The following ZNF804B variants were observed in gnomAD, a reference collection of about 807,000 sequenced individuals.
The protein encoded by ZNF804B is zinc finger protein 804B.
ZNF804B carries 80 observed loss-of-function variants against 101.4 expected under a neutral mutation model. That is an observed-to-expected ratio of 0.79 (90% CI 0.66 to 0.95). ZNF804B has a LOEUF of 0.95. Among genes scored for constraint, ZNF804B ranks in the 40% least tolerant of loss-of-function variants. The pLI, the probability that ZNF804B is intolerant of heterozygous loss-of-function variation, is 0.00. For missense variants in ZNF804B, 1,673 were observed against 1,561.9 expected, an observed-to-expected ratio of 1.07 and a Z score of -1.20; for synonymous variants, 622 against 558.8, an observed-to-expected ratio of 1.11 and a Z score of -1.59.
chr7:88,789,378 A>G (rs1408628425), intron 1 of ZNF804B, among the ~76,000 whole-genome samples: 1 of 152,152 alleles, frequency 6.6e-6, no homozygotes, highest in Non-Finnish European at 1.5e-5. Flanking sequence ...TAATAATCAC[A>G]AGACCCTAAA....
At chr7:88,880,939 A>G (rs1314433258) in intron 1 of ZNF804B, among the ~76,000 whole-genome samples, 2 of 152,192 alleles carry the variant, frequency 1.3e-5, no homozygotes, top group East Asian at 1.9e-4. Flanking sequence ...AGTGAGGTAG[A>G]TAATAGAAGC....
intron 1 of ZNF804B, among the ~76,000 whole-genome samples, chr7:88,810,701 G>C (rs577749917): frequency 6.6e-6 from 1 of 151,436 alleles, no homozygotes; most frequent in Non-Finnish European, 1.5e-5. Context: ...GTATTAAAGC[G>C]TAAACAATAA....
intron 2 of ZNF804B, among the ~76,000 whole-genome samples, chr7:89,263,355 C>CT (rs11415468): frequency 0.28 from 43,048 of 151,928 alleles, 6,308 homozygotes; most frequent in South Asian, 0.34. Context: ...TTTGATATGG[C>CT]TTTTTTCCGC....
At chr7:88,989,353 G>T (rs1363139229) in intron 1 of ZNF804B, among the ~76,000 whole-genome samples, 1 of 152,040 alleles carries the variant, frequency 6.6e-6, no homozygotes, top group Non-Finnish European at 1.5e-5. Context: ...GTTCATATTA[G>T]GAGAGACTAG....
At chr7:88,818,012 G>C (rs2115751884) in intron 1 of ZNF804B, among the ~76,000 whole-genome samples, 1 of 152,226 alleles carries the variant, frequency 6.6e-6, no homozygotes. Flanking sequence ...TAAAGTGCTT[G>C]GCATTGTGCT....
chr7:88,876,974 C>T (rs1451064904), intron 1 of ZNF804B, among the ~76,000 whole-genome samples: 7 of 105,910 alleles, frequency 6.6e-5, no homozygotes, highest in South Asian at 6.1e-4. Context: ...TGAGGTAGTA[C>T]AGGAAATTAT....
chr7:88,863,067 A>G (rs1202668079), intron 1 of ZNF804B, among the ~76,000 whole-genome samples: 2 of 152,064 alleles, frequency 1.3e-5, no homozygotes, highest in Non-Finnish European at 1.5e-5. Flanking sequence ...GGTCTAATCC[A>G]CGCCTCTCCT....
At chr7:89,113,184 T>G (rs1458348340) in intron 1 of ZNF804B, among the ~76,000 whole-genome samples, 1 of 152,222 alleles carries the variant, frequency 6.6e-6, no homozygotes, top group East Asian at 1.9e-4. Context: ...GAGGTTGTTT[T>G]GGAAGCCACA....
chr7:89,159,017 A>G (rs889166377), intron 1 of ZNF804B, among the ~76,000 whole-genome samples: 2 of 152,100 alleles, frequency 1.3e-5, no homozygotes, highest in African/African-American at 4.8e-5. Context: ...TGAATTTCAC[A>G]TGCCTAGATT....
chr7:89,021,721 G>A (rs879642897), intron 1 of ZNF804B, among the ~76,000 whole-genome samples: 6 of 152,152 alleles, frequency 3.9e-5, no homozygotes, highest in South Asian at 4.1e-4. Context: ...AGCCAGAGTT[G>A]CGACAACACA....
chr7:88,946,179 G>A (rs1003033470), intron 1 of ZNF804B, among the ~76,000 whole-genome samples: 10 of 151,962 alleles, frequency 6.6e-5, no homozygotes, highest in African/African-American at 2.4e-4. Flanking sequence ...GTTTTCAAAG[G>A]GAATGTCCAC....
At chr7:89,155,173 T>C (rs866274269) in intron 1 of ZNF804B, among the ~76,000 whole-genome samples, 1 of 152,178 alleles carries the variant, frequency 6.6e-6, no homozygotes, top group African/African-American at 2.4e-5. Flanking sequence ...GATTTCTCTC[T>C]TGGGGTTTAT....
At chr7:89,042,612 G>A (rs758379205) in intron 1 of ZNF804B, among the ~76,000 whole-genome samples, 3 of 152,020 alleles carry the variant, frequency 2.0e-5, no homozygotes, top group Non-Finnish European at 2.9e-5. Context: ...AGGGTAAAAA[G>A]CTTTCACTGT....
chr7:89,152,839 A>AACGAC (rs1422578845), intron 1 of ZNF804B, among the ~76,000 whole-genome samples: 1 of 152,094 alleles, frequency 6.6e-6, no homozygotes, highest in Non-Finnish European at 1.5e-5. Context: ...CTGATGTTCC[A>AACGAC]ACGACAAGCA....
At chr7:89,240,956 T>C (rs1789360087) in intron 2 of ZNF804B, among the ~76,000 whole-genome samples, 1 of 152,118 alleles carries the variant, frequency 6.6e-6, no homozygotes, top group African/African-American at 2.4e-5. Flanking sequence ...TTTTAATTGC[T>C]ATTCCAAACT....
At chr7:89,012,763 A>T (rs936932386) in intron 1 of ZNF804B, among the ~76,000 whole-genome samples, 2 of 152,178 alleles carry the variant, frequency 1.3e-5, no homozygotes, top group African/African-American at 4.8e-5. Flanking sequence ...CCTGTTACCC[A>T]GTTCTGAAGT....
At chr7:89,038,028 T>C (rs953509338) in intron 1 of ZNF804B, among the ~76,000 whole-genome samples, 12 of 152,174 alleles carry the variant, frequency 7.9e-5, no homozygotes, top group Admixed American at 2.6e-4. Context: ...TCTGTACACA[T>C]GCACATACAC....
intron 1 of ZNF804B, among the ~76,000 whole-genome samples, chr7:88,910,595 T>C (rs754944194): frequency 6.6e-6 from 1 of 151,936 alleles, no homozygotes; most frequent in South Asian, 2.1e-4. Context: ...TCAATGTAGA[T>C]AAACTGTTCT....
At chr7:88,780,240 C>T (rs1380250232) in intron 1 of ZNF804B, among the ~76,000 whole-genome samples, 1 of 151,982 alleles carries the variant, frequency 6.6e-6, no homozygotes, top group Non-Finnish European at 1.5e-5. Flanking sequence ...TAAATTAGTA[C>T]ATTCACTAAA....
Sources: gnomAD v4.1 joint callset for allele counts (sites outside exome capture counted in the v4.1 genomes callset) on GRCh38, gnomAD v4.1.1 for gene constraint, MANE v1.5 for transcripts, NCBI Gene and HGNC (gene_info 2026-07-23, HGNC 2026-07-21) for gene names.